The following ZNF626 variants were observed in gnomAD, a reference collection of about 807,000 sequenced individuals.
The protein encoded by ZNF626 is CTC-513N18.7.
Under a neutral mutation model 11.7 loss-of-function variants are expected in ZNF626, and 4 were observed. The observed-to-expected ratio is 0.34, with a 90% CI of 0.17 to 0.78. ZNF626 has a LOEUF of 0.78. Ranked by LOEUF, ZNF626 falls within the 30% of genes least tolerant of loss-of-function variation. The pLI is 0.57. For missense variants in ZNF626, 588 were observed against 587.1 expected, an observed-to-expected ratio of 1.00 and a Z score of -0.01; for synonymous variants, 179 against 198.6, an observed-to-expected ratio of 0.90 and a Z score of 0.83.
At chr19:20,643,624 T>C (rs1555771659) in intron 3 of ZNF626, among the ~76,000 whole-genome samples, 1 of 151,904 alleles carries the variant, frequency 6.6e-6, no homozygotes, top group African/African-American at 2.4e-5. Context: ...AAGATGAAAA[T>C]AATAAAAGTG....
rs1279861753 is a variant in ZNF626 at position 20,636,132 on chromosome 19, C to CA, written c.226+9551dup. The stretch of plus-strand genomic sequence containing the variant: ...GCATAACAAGAGTGAAATTCCCTCT[C>CA]AAAAAAACCAAAACCAAAACCAAAA... On this transcript the variant is annotated intron_variant, in intron 3 of 3. Transcript: ENST00000601440. Among the ~76,000 whole-genome samples, 10 of 151,994 alleles carry CA rather than the reference C, an allele frequency of 6.6e-5. 1 individual carries two copies. The highest frequency in any genetic ancestry group is 2.0e-4 in the Admixed American group (3 of 15,236).
At chr19:20,653,451 T>C (rs368049167) in intron 1 of ZNF626, among the ~76,000 whole-genome samples, 63 of 152,186 alleles carry the variant, frequency 4.1e-4, no homozygotes, top group African/African-American at 1.3e-3. Context: ...ACCTGGAGAT[T>C]GAAGAGGACA....
At position 20,621,690 on chromosome 19, in the gene ZNF626, T is replaced by C. The variant is rs1315040901; in HGVS notation, c.*2600A>G. On this transcript the variant is annotated 3_prime_UTR_variant, in exon 4 of 4. Transcript: ENST00000601440. ...AGTAATAATAAATTAAGAAAAAAGA[T>C]TAAAAATTTAACTAACGGGAACAAT... is the stretch of plus-strand genomic sequence containing the variant. 1 of 152,102 alleles carries C rather than the reference T, an allele frequency of 6.6e-6. No individual in the cohort carries two copies. The highest frequency in any genetic ancestry group is 2.4e-5 in the African/African-American group (1 of 41,422). The allele number at this position is 152,102 out of a possible 1,614,324, so 9.4% of individuals were successfully genotyped here.
intron 3 of ZNF626, among the ~76,000 whole-genome samples, chr19:20,639,894 C>CA (rs1970005009): frequency 6.6e-6 from 1 of 151,952 alleles, no homozygotes; most frequent in Non-Finnish European, 1.5e-5. Context: ...GCTCAGGGGT[C>CA]AAAAAATTTC....
rs1970268838 is a variant in ZNF626 at position 20,661,531 on chromosome 19, G to C, written c.-85C>G. On this transcript the variant is annotated 5_prime_UTR_variant, in exon 1 of 4. Coordinates refer to ENST00000601440, the MANE Select transcript of ZNF626 (RefSeq NM_001076675.3). Reference sequence around the variant, plus strand: ...CGGGGCCACACAGCCTGGGCCTTTAGGAGAAGAACCAGACCTGGAGCTCTG... The same window carrying C: ...CGGGGCCACACAGCCTGGGCCTTTACGAGAAGAACCAGACCTGGAGCTCTG... 15 of 1,221,830 alleles carry C rather than the reference G, an allele frequency of 1.2e-5. No individual in the cohort carries two copies. The highest frequency in any genetic ancestry group is 1.7e-5 in the Non-Finnish European group (15 of 902,936). 75.7% of individuals were successfully genotyped at this position (1,221,830 alleles called of 1,614,324 possible). A position where few individuals can be genotyped will look rare whatever the true frequency, so the allele number is the denominator to read the frequency against.
intron 1 of ZNF626, among the ~76,000 whole-genome samples, chr19:20,659,532 C>T (rs188136303): frequency 3.3e-5 from 5 of 152,148 alleles, no homozygotes; most frequent in East Asian, 3.9e-4. Context: ...TGAGCCATGG[C>T]GCTCAGCCTA....
intron 2 of ZNF626, 116 bp downstream of exon 2, chr19:20,646,163 C>A: frequency 8.1e-7 from 1 of 1,232,774 alleles, no homozygotes; most frequent in Non-Finnish European, 1.1e-6. Context: ...TGAAGATTTT[C>A]TGGAAAATGG....
chr19:20,625,818 T>C lies in ZNF626; in HGVS notation c.227-168A>G, dbSNP rs1185438539. On this transcript the variant is annotated intron_variant, in intron 3 of 3. Transcript: ENST00000601440. ...ACATATGAATTTAACAAAAACATAC[T>C]GATCAAAATACATTTGTAAAAAACT... Among the ~76,000 whole-genome samples, 4 of 145,324 alleles carry C rather than the reference T, an allele frequency of 2.8e-5. No homozygotes were observed. The South Asian group carries it at 6.9e-4, about 25-fold the overall frequency.
At chr19:20,626,068 T>C (rs557089649) in intron 3 of ZNF626, among the ~76,000 whole-genome samples, 1 of 151,324 alleles carries the variant, frequency 6.6e-6, no homozygotes, top group South Asian at 2.1e-4. Context: ...CAAGACCATC[T>C]TGGCAAAGAT....
chr19:20,625,308 G>C lies in ZNF626; in HGVS notation c.569C>G (p.Thr190Arg), dbSNP rs1555769436. The C allele has an allele frequency of 1.2e-6, 2 of 1,613,456 alleles. No individual in the cohort carries two copies. The highest frequency in any genetic ancestry group is 1.7e-5 in the Admixed American group (1 of 59,942). ...CCCTCCAGTATGAATTTTCTTATGTGTAGTAAGAGTTGAGAACTGCTTAAA... is the reference window on the plus strand; with the variant it reads ...CCCTCCAGTATGAATTTTCTTATGTCTAGTAAGAGTTGAGAACTGCTTAAA... ...KAFKQFSTLT[T>R]HKKIHTGGKP... Residue 190 changes from threonine (T) to arginine (R), a missense_variant, in exon 4 of 4, where the codon ACA becomes AGA. Thr to Arg is a moderately conservative substitution (Grantham distance 71, BLOSUM62 -1). Around this residue, in one of 4 missense-constraint regions of ZNF626, gnomAD observed 524 missense variants for 470.1 expected, o/e 1.11. Transcript: ENST00000601440.
chr19:20,660,133 G>A lies in ZNF626; in HGVS notation c.3+1311C>T, dbSNP rs571779104. Among the ~76,000 whole-genome samples, 21 of 151,504 alleles carry A rather than the reference G, an allele frequency of 1.4e-4. No homozygotes were observed. In the East Asian group the frequency reaches 2.7e-3, roughly 20 times the overall value. On this transcript the variant is annotated intron_variant, in intron 1 of 3. Coordinates refer to ENST00000601440, the MANE Select transcript of ZNF626 (RefSeq NM_001076675.3). ...AAATTAGCCGGGCGTGATGGTGCATGCCTGTAATCCCAGCTACTGGTGGGG... is the reference window on the plus strand; with the variant it reads ...AAATTAGCCGGGCGTGATGGTGCATACCTGTAATCCCAGCTACTGGTGGGG...
intron 3 of ZNF626, among the ~76,000 whole-genome samples, chr19:20,633,641 A>T (rs1157312587): frequency 2.0e-5 from 3 of 152,132 alleles, no homozygotes; most frequent in Non-Finnish European, 4.4e-5. Context: ...CCGTTGGAAA[A>T]GCGCAGTATT....
chr19:20,644,276 C>T (rs1023151513), intron 3 of ZNF626, among the ~76,000 whole-genome samples: 1 of 152,222 alleles, frequency 6.6e-6, no homozygotes, highest in South Asian at 2.1e-4. Flanking sequence ...TCATCCACAT[C>T]CTGATTTAAG....
chr19:20,624,773 G>T lies in ZNF626; in HGVS notation c.1104C>A (p.Pro368=), dbSNP rs1407640729. 3.1e-6 allele frequency: 5 copies of T among 1,613,378 alleles called. No individual in the cohort carries two copies. In the African/African-American group the frequency reaches 6.7e-5, roughly 22 times the overall value. ...CTTTGCCACATTCTTCACATTTGTA[G>T]GGTTTCTCTCCAGTATGAATTCTCT... ...THKRIHTGEK[P]YKCEECGKAF... Residue 368 remains proline (P), a synonymous_variant, in exon 4 of 4, where the codon CCC becomes CCA. Coordinates refer to ENST00000601440, the MANE Select transcript of ZNF626 (RefSeq NM_001076675.3).
At chr19:20,631,297 G>C (rs1342072415) in intron 3 of ZNF626, among the ~76,000 whole-genome samples, 2 of 152,026 alleles carry the variant, frequency 1.3e-5, no homozygotes, top group African/African-American at 4.8e-5. Flanking sequence ...GGTCCTCTTG[G>C]TGCAGAGCTG....
chr19:20,625,141 T>A lies in ZNF626; in HGVS notation c.736A>T (p.Thr246Ser), dbSNP rs782312844. ...KAFKHSSTLT[T>S]HKRNHTGEKP... ...TCTCCAGTATGATTTCTCTTATGTG[T>A]AGTAAGAGTGGAGGAGTGCTTAAAG... is the stretch of plus-strand genomic sequence containing the variant. The change falls in exon 4 of 4, where the codon ACA becomes TCA. Residue 246 changes from threonine to serine, a missense_variant. This residue lies in a region of ZNF626 where 524 missense variants were observed against 470.1 expected (regional missense o/e 1.11). Transcript: ENST00000601440. 6.2e-7 allele frequency: 1 copy of A among 1,613,212 alleles called. No homozygotes were observed. Among genetic ancestry groups the A allele is most frequent in the East Asian group, 2.2e-5 (1 of 44,840 alleles).
intron 3 of ZNF626, among the ~76,000 whole-genome samples, chr19:20,630,144 G>T (rs1969886469): frequency 6.6e-6 from 1 of 152,126 alleles, no homozygotes. Context: ...TGATCATGGT[G>T]GATAAGCTTT....
chr19:20,624,359 TCTCTCCA>T lies in ZNF626; in HGVS notation c.1511_1517del (p.Leu504GlnfsTer6), dbSNP rs1555769175. On this transcript the variant is annotated frameshift_variant, in exon 4 of 4. Transcript: ENST00000601440. LOFTEE classifies it low-confidence loss of function (END_TRUNC). ...CCACATTCTTCACATTTGTAGAATTTCTCTCCAGTATGATTCTCTCATGTGTAGTAAG... is the reference window on the plus strand; with the variant it reads ...CCACATTCTTCACATTTGTAGAATTTGTATGATTCTCTCATGTGTAGTAAG... The T allele has an allele frequency of 1.4e-6, 2 of 1,381,162 alleles. No individual in the cohort carries two copies. The highest frequency in any genetic ancestry group is 2.4e-5 in the Admixed American group (1 of 41,650). 85.6% of individuals were successfully genotyped at this position (1,381,162 alleles called of 1,614,324 possible).
At chr19:20,645,604 A>AAAG (rs34679916) in intron 3 of ZNF626, 80 bp downstream of exon 3, 351,263 of 1,560,668 alleles carry the variant, frequency 0.23, 42,685 homozygotes, top group East Asian at 0.48. Context: ...CCCAAATCAC[A>AAAG]CTTTAAGGAC....
Sources: gnomAD v4.1 joint callset for allele counts (sites outside exome capture counted in the v4.1 genomes callset) on GRCh38, gnomAD v4.1.1 for gene constraint, gnomAD v4.1.1 regional missense constraint, MANE v1.5 for transcripts, NCBI Gene and HGNC (gene_info 2026-07-23, HGNC 2026-07-21) for gene names.